Variants in LZTFL1 observed in about 807,000 individuals in gnomAD.
LZTFL1 encodes leucine zipper transcription factor like 1.
Under a neutral mutation model 45.9 loss-of-function variants are expected in LZTFL1, and 25 were observed. The observed-to-expected ratio is 0.54, with a 90% CI of 0.40 to 0.76. The LOEUF (loss-of-function observed/expected upper bound fraction) is 0.76. Among genes scored for constraint, LZTFL1 ranks in the 30% least tolerant of loss-of-function variants. The pLI, the probability that LZTFL1 is intolerant of heterozygous loss-of-function variation, is 0.00. For missense variants in LZTFL1, 277 were observed against 331.1 expected, an observed-to-expected ratio of 0.84 and a Z score of 1.27; for synonymous variants, 93 against 117.4, an observed-to-expected ratio of 0.79 and a Z score of 1.35.
chr3:45,897,619 T>G, intron 2 of LZTFL1: 1 of 1,535,224 alleles, frequency 6.5e-7, no homozygotes, highest in Non-Finnish European at 8.7e-7. Flanking sequence ...TCCATCTCCT[T>G]CCAGGACCTT....
chr3:45,862,069 C>T (rs1358225884), intron 2 of LZTFL1, among the ~76,000 whole-genome samples: 1 of 152,106 alleles, frequency 6.6e-6, no homozygotes, highest in Non-Finnish European at 1.5e-5. Context: ...TAATCAAGCT[C>T]GTTTATCAAA....
chr3:45,855,234 C>T (rs1240892639), intron 3 of LZTFL1, among the ~76,000 whole-genome samples: 2 of 152,318 alleles, frequency 1.3e-5, no homozygotes, highest in South Asian at 4.1e-4. Flanking sequence ...CGGCTTCATC[C>T]CCATGATGCA....
At chr3:45,909,323 G>T (rs1404398438) in intron 2 of LZTFL1, among the ~76,000 whole-genome samples, 1 of 152,092 alleles carries the variant, frequency 6.6e-6, no homozygotes, top group Non-Finnish European at 1.5e-5. Flanking sequence ...CACAAAACTG[G>T]TCCCTGGTGT....
rs1183230084 is a variant in LZTFL1, at chr3:45,884,620, C to A, written c.-214-25604G>T. 2.0e-5 allele frequency among the ~76,000 whole-genome samples: 3 copies of A among 152,174 alleles called. No individual in the cohort carries two copies. The East Asian group carries it at 5.8e-4, about 29-fold the overall frequency. On this transcript the variant is annotated intron_variant, in intron 2 of 4. Coordinates refer to the LZTFL1 transcript ENST00000472635. ...CTTCCTTCCTCCCCCGAGACTCACT[C>A]CAACGTCTAGGGGCAAGCAGTGTCT...
In LZTFL1 at chr3:45,842,099, G is replaced by A. The variant is rs1575264099; in HGVS notation, c.-108C>T. On this transcript the variant is annotated 5_prime_UTR_variant, in exon 1 of 10. Transcript: ENST00000296135. The stretch of plus-strand genomic sequence containing the variant: ...GGACCACAGAAAATGGGGAAGGAGG[G>A]TAGGTTGTTTAGAAGCCTCTGGTTG... 18 of 1,559,060 alleles carry A rather than the reference G, an allele frequency of 1.2e-5. No individual in the cohort carries two copies. Among genetic ancestry groups the A allele is most frequent in the Non-Finnish European group, 1.6e-5 (18 of 1,155,704 alleles).
chr3:45,848,505 T>A (rs1268635735), intron 4 of LZTFL1, among the ~76,000 whole-genome samples: 1 of 152,234 alleles, frequency 6.6e-6, no homozygotes. Flanking sequence ...TTTTTTACTA[T>A]GACACATAAT....
chr3:45,836,160 A>G (rs1175532897), intron 2 of LZTFL1, among the ~76,000 whole-genome samples: 2 of 152,162 alleles, frequency 1.3e-5, no homozygotes, highest in Admixed American at 6.5e-5. Context: ...TTTCTTTCTA[A>G]TATTTCTCTA....
At chr3:45,852,677 T>C (rs1575270192) in intron 4 of LZTFL1, among the ~76,000 whole-genome samples, 2 of 152,354 alleles carry the variant, frequency 1.3e-5, no homozygotes, top group South Asian at 4.2e-4. Context: ...AGAGTGGCAG[T>C]AGGGATGGGA....
intron 2 of LZTFL1, among the ~76,000 whole-genome samples, chr3:45,864,065 C>T (rs1701538940): frequency 6.6e-6 from 1 of 152,116 alleles, no homozygotes; most frequent in Non-Finnish European, 1.5e-5. Context: ...CAGCTGGACA[C>T]TATGTGGGAG....
At chr3:45,881,785 C>G (rs1039307838) in intron 2 of LZTFL1, among the ~76,000 whole-genome samples, 1 of 152,064 alleles carries the variant, frequency 6.6e-6, no homozygotes, top group Non-Finnish European at 1.5e-5. Context: ...CCCTTCACCC[C>G]CTTGCAGAAG....
At chr3:45,915,385 T>G in intron 1 of LZTFL1, 1 of 386,860 alleles carries the variant, frequency 2.6e-6, no homozygotes, top group South Asian at 1.9e-5. Flanking sequence ...CTTTCCTCTC[T>G]CAAGCCAGGG....
chr3:45,828,699 A>T, intron 7 of LZTFL1, 84 bp from the exon 8 acceptor site: 2 of 1,197,262 alleles, frequency 1.7e-6, no homozygotes, highest in Non-Finnish European at 2.4e-6. Flanking sequence ...ACATCATAGG[A>T]GATGAAAAAA....
intron 4 of LZTFL1, among the ~76,000 whole-genome samples, chr3:45,849,610 T>C (rs747292253): frequency 6.6e-6 from 1 of 152,200 alleles, no homozygotes; most frequent in Admixed American, 6.5e-5. Context: ...TTTCTAGGAA[T>C]GGAGGGAATT....
rs1292859132 is a variant in LZTFL1, at chr3:45,901,865, G to T, written c.-215+11255C>A. Reference sequence around the variant, plus strand: ...GAAGCTTGAAGCTGTCGTCTATGTTGCTGGAGACAACCTCAGGAGCACTCT... The same window carrying T: ...GAAGCTTGAAGCTGTCGTCTATGTTTCTGGAGACAACCTCAGGAGCACTCT... On this transcript the variant is annotated intron_variant, in intron 2 of 4. Coordinates refer to the LZTFL1 transcript ENST00000472635. This position sits in a 1 kb window ranked among gnomAD's most constrained non-coding sequence, Gnocchi z 4.3. The T allele has an allele frequency of 6.2e-7, 1 of 1,608,224 alleles. No homozygotes were observed. Among genetic ancestry groups the T allele is most frequent in the African/African-American group, 1.3e-5 (1 of 74,754 alleles).
upstream of LZTFL1, among the ~76,000 whole-genome samples, chr3:45,844,100 GA>G (rs1378810381): frequency 6.8e-6 from 1 of 147,032 alleles, no homozygotes; most frequent in Non-Finnish European, 1.5e-5. Flanking sequence ...ATATTATTAT[GA>G]AATGAGACTT....
chr3:45,850,023 G>T (rs1176625058), intron 4 of LZTFL1, among the ~76,000 whole-genome samples: 1 of 152,102 alleles, frequency 6.6e-6, no homozygotes, highest in East Asian at 1.9e-4. Flanking sequence ...ACATAAGAAG[G>T]TTCTATTTGT....
chr3:45,849,318 A>T (rs1388395410), intron 4 of LZTFL1, among the ~76,000 whole-genome samples: 1 of 152,208 alleles, frequency 6.6e-6, no homozygotes, highest in East Asian at 1.9e-4. Context: ...CATAGCAAAC[A>T]CGGGCACCAA....
upstream of LZTFL1, among the ~76,000 whole-genome samples, chr3:45,846,681 A>C (rs1701221937): frequency 6.6e-6 from 1 of 152,190 alleles, no homozygotes; most frequent in Non-Finnish European, 1.5e-5. Context: ...ACTATTCATT[A>C]AGTGGAAGTG....
chr3:45,912,981 G>T (rs987183369), intron 2 of LZTFL1: 4 of 820,312 alleles, frequency 4.9e-6, no homozygotes, highest in East Asian at 5.5e-5. Context: ...GCAAATCCTG[G>T]TTTATGGAAA....
Sources: allele counts gnomAD v4.1 joint callset (sites outside exome capture counted in the v4.1 genomes callset), GRCh38; gene constraint gnomAD v4.1.1; non-coding constraint Gnocchi (gnomAD v3.1); transcripts MANE v1.5; gene names NCBI Gene and HGNC (gene_info 2026-07-23, HGNC 2026-07-21).